The following LTBP1 variants were observed in gnomAD, a reference collection of about 807,000 sequenced individuals.
LTBP1 encodes latent transforming growth factor beta binding protein 1.
LTBP1 carries 129 observed loss-of-function variants against 207.6 expected under a neutral mutation model. The ratio of observed to expected loss-of-function variants is 0.62; its 90% confidence interval spans 0.54 to 0.72. The LOEUF (loss-of-function observed/expected upper bound fraction) is 0.72. Among genes scored for constraint, LTBP1 ranks in the 30% least tolerant of loss-of-function variants. LTBP1 has a pLI of 0.00. For missense variants in LTBP1, 2,281 were observed against 2,217.2 expected, an observed-to-expected ratio of 1.03 and a Z score of -0.58; for synonymous variants, 963 against 833.7, an observed-to-expected ratio of 1.16 and a Z score of -2.67.
intron 3 of LTBP1, among the ~76,000 whole-genome samples, chr2:33,083,298 T>C (rs183949463): frequency 5.3e-5 from 8 of 151,932 alleles, no homozygotes; most frequent in Admixed American, 3.3e-4. Flanking sequence ...CCTATCTTGA[T>C]TGAGGAGGAA....
chr2:32,962,803 G>A (rs150690), intron 2 of LTBP1, among the ~76,000 whole-genome samples: 46,223 of 152,160 alleles, frequency 0.3, 7,576 homozygotes, highest in South Asian at 0.38. Flanking sequence ...GGAATGGGGC[G>A]TCAGCTCCGC....
At chr2:33,382,648 A>C (rs907476265) in intron 31 of LTBP1, among the ~76,000 whole-genome samples, 3 of 152,224 alleles carry the variant, frequency 2.0e-5, no homozygotes, top group African/African-American at 7.2e-5. Flanking sequence ...GCAATGAATG[A>C]ATCACTTTTA....
At chr2:33,117,667 G>C (rs1174283169) in intron 4 of LTBP1, among the ~76,000 whole-genome samples, 1 of 152,204 alleles carries the variant, frequency 6.6e-6, no homozygotes, top group Non-Finnish European at 1.5e-5. Flanking sequence ...AAAGGCTCTG[G>C]ATGCCTAGTG....
At chr2:33,153,988 A>G (rs1052330297) in intron 5 of LTBP1, among the ~76,000 whole-genome samples, 2 of 152,098 alleles carry the variant, frequency 1.3e-5, no homozygotes, top group Non-Finnish European at 2.9e-5. Context: ...ATGTTCCTCT[A>G]CCTCAGGCCA....
chr2:33,046,021 C>T (rs542901240), intron 3 of LTBP1, among the ~76,000 whole-genome samples: 8 of 152,112 alleles, frequency 5.3e-5, no homozygotes, highest in South Asian at 2.1e-4. Context: ...TGGGCTGAGA[C>T]GATGGGGTTT....
intron 2 of LTBP1, among the ~76,000 whole-genome samples, chr2:32,954,364 A>G (rs967986974): frequency 7.2e-5 from 11 of 152,210 alleles, no homozygotes; most frequent in African/African-American, 9.7e-5. Context: ...CAGAAGTCCA[A>G]TGTCAAGGTG....
At chr2:33,081,918 C>A (rs533073615) in intron 3 of LTBP1, among the ~76,000 whole-genome samples, 2 of 152,304 alleles carry the variant, frequency 1.3e-5, no homozygotes, top group African/African-American at 4.8e-5. Context: ...GCTTCCCCTT[C>A]CGCCACCACG....
intron 31 of LTBP1, among the ~76,000 whole-genome samples, chr2:33,388,008 G>A (rs1408890366): frequency 6.6e-6 from 1 of 152,168 alleles, no homozygotes; most frequent in Non-Finnish European, 1.5e-5. Flanking sequence ...TTCACCAACT[G>A]CTAGATGTAT....
intron 2 of LTBP1, among the ~76,000 whole-genome samples, chr2:32,965,691 G>A (rs1326615024): frequency 2.0e-5 from 3 of 152,122 alleles, no homozygotes; most frequent in African/African-American, 7.2e-5. Context: ...ATATTCCATT[G>A]TCTGGATGTA....
At chr2:33,377,795 A>G (rs893899987) in intron 31 of LTBP1, among the ~76,000 whole-genome samples, 1 of 152,214 alleles carries the variant, frequency 6.6e-6, no homozygotes, top group Non-Finnish European at 1.5e-5. Context: ...CAGGAGACTT[A>G]TAATTGTGGC....
intron 2 of LTBP1, among the ~76,000 whole-genome samples, chr2:32,975,726 G>T (rs1452539514): frequency 6.8e-6 from 1 of 147,136 alleles, no homozygotes; most frequent in African/African-American, 2.5e-5. Context: ...TGAAATTCTT[G>T]TTGTGAGTTT....
chr2:33,223,591 G>A (rs950248427), intron 9 of LTBP1, among the ~76,000 whole-genome samples: 3 of 152,180 alleles, frequency 2.0e-5, no homozygotes, highest in African/African-American at 7.2e-5. Flanking sequence ...TAGATTTTAA[G>A]ATGCATGTTT....
chr2:33,324,842 C>T (rs890478179), intron 24 of LTBP1, among the ~76,000 whole-genome samples: 5 of 151,758 alleles, frequency 3.3e-5, no homozygotes, highest in African/African-American at 1.2e-4. Context: ...GCTGGGACTA[C>T]AGGCATGTGC....
intron 9 of LTBP1, among the ~76,000 whole-genome samples, chr2:33,240,411 A>G (rs1045803931): frequency 1.3e-5 from 2 of 152,214 alleles, no homozygotes; most frequent in African/African-American, 4.8e-5. Flanking sequence ...GTTCAGTTCA[A>G]CCAATGCTTT....
At chr2:33,160,867 T>G (rs990116608) in intron 5 of LTBP1, among the ~76,000 whole-genome samples, 2 of 152,158 alleles carry the variant, frequency 1.3e-5, no homozygotes, top group African/African-American at 4.8e-5. Flanking sequence ...AGGTTAATAA[T>G]TTTTGTTAGA....
At chr2:33,003,083 T>C (rs555187681) in intron 2 of LTBP1, among the ~76,000 whole-genome samples, 51 of 152,348 alleles carry the variant, frequency 3.3e-4, no homozygotes, top group African/African-American at 1.2e-3. Flanking sequence ...TTCCAGACTT[T>C]GTACTGGTTG....
intron 24 of LTBP1, among the ~76,000 whole-genome samples, chr2:33,337,371 T>A (rs2094564999): frequency 6.6e-6 from 1 of 152,234 alleles, no homozygotes; most frequent in Non-Finnish European, 1.5e-5. Flanking sequence ...TGCTACTTTT[T>A]AAATGAGCCA....
At chr2:33,192,561 T>C (rs2088020220) in intron 7 of LTBP1, among the ~76,000 whole-genome samples, 1 of 151,788 alleles carries the variant, frequency 6.6e-6, no homozygotes, top group South Asian at 2.1e-4. Flanking sequence ...AGTGAGATGA[T>C]GTTTGTAGAA....
chr2:33,118,354 A>G (rs762460593), intron 4 of LTBP1, among the ~76,000 whole-genome samples: 5 of 152,176 alleles, frequency 3.3e-5, no homozygotes, highest in Non-Finnish European at 7.4e-5. Context: ...TAAGAGGAAT[A>G]TTAGGTGTGA....
Sources: allele counts gnomAD v4.1 joint callset (sites outside exome capture counted in the v4.1 genomes callset), GRCh38; gene constraint gnomAD v4.1.1; transcripts MANE v1.5; gene names NCBI Gene and HGNC (gene_info 2026-07-23, HGNC 2026-07-21).